PRKCQ: variants seen among roughly 807,000 people sequenced by gnomAD.
PRKCQ encodes the protein protein kinase C theta.
In PRKCQ, 41 loss-of-function variants were observed where a neutral mutation model predicts 91.2. The observed-to-expected ratio is 0.45, with a 90% CI of 0.35 to 0.58. PRKCQ has a LOEUF of 0.58. Ranked by LOEUF, PRKCQ falls within the 20% of genes least tolerant of loss-of-function variation. The pLI is 0.00. For synonymous variants in PRKCQ, 307 were observed against 316.9 expected, an observed-to-expected ratio of 0.97 and a Z score of 0.33; for missense variants, 673 against 896.5, an observed-to-expected ratio of 0.75 and a Z score of 3.18.
intron 1 of PRKCQ, among the ~76,000 whole-genome samples, chr10:6,536,763 C>T (rs768931144): frequency 3.9e-5 from 6 of 152,106 alleles, no homozygotes; most frequent in Non-Finnish European, 8.8e-5. Context: ...CAACACTTTC[C>T]TGAGGTTTGA....
chr10:6,525,000 G>A (rs551227724), intron 1 of PRKCQ, among the ~76,000 whole-genome samples: 1 of 152,306 alleles, frequency 6.6e-6, no homozygotes, highest in African/African-American at 2.4e-5. Flanking sequence ...CATTACAGCT[G>A]AACTACCAGG....
At chr10:6,446,221 T>G (rs1834284694) in intron 15 of PRKCQ, among the ~76,000 whole-genome samples, 7 of 152,144 alleles carry the variant, frequency 4.6e-5, no homozygotes, top group Admixed American at 3.9e-4. Context: ...AGGTCTTACT[T>G]AAAGTCTCCT....
chr10:6,402,568 A>C, the PRKCQ span, among the ~76,000 whole-genome samples: 1 of 152,064 alleles, frequency 6.6e-6, no homozygotes, highest in Non-Finnish European at 1.5e-5. Context: ...AACAATTTCA[A>C]AGAAGAGTGG....
chr10:6,428,404 C>G (rs78002544), intron 17 of PRKCQ, 42 bp from the exon 18 acceptor site: 1 of 1,593,474 alleles, frequency 6.3e-7, no homozygotes, highest in Admixed American at 1.7e-5. Context: ...GAAGAAAAAT[C>G]AGCCATTAAG....
At chr10:6,499,933 C>G (rs933102292) in intron 4 of PRKCQ, among the ~76,000 whole-genome samples, 1 of 152,248 alleles carries the variant, frequency 6.6e-6, no homozygotes, top group Non-Finnish European at 1.5e-5. Flanking sequence ...CATTGTAGGA[C>G]TGAAGTCTTT....
chr10:6,460,765 T>C (rs1288826045), intron 14 of PRKCQ, among the ~76,000 whole-genome samples: 1 of 151,552 alleles, frequency 6.6e-6, no homozygotes, highest in Non-Finnish European at 1.5e-5. Context: ...TGCTGGGATT[T>C]GCAGGTGTGA....
At chr10:6,528,748 G>A (rs1457040650) in intron 1 of PRKCQ, among the ~76,000 whole-genome samples, 1 of 152,220 alleles carries the variant, frequency 6.6e-6, no homozygotes, top group Non-Finnish European at 1.5e-5. Context: ...TTTCTTGTTA[G>A]CAAATGTCTT....
the PRKCQ span, among the ~76,000 whole-genome samples, chr10:6,399,069 T>C: frequency 6.6e-6 from 1 of 152,156 alleles, no homozygotes; most frequent in Non-Finnish European, 1.5e-5. Flanking sequence ...AATGATACAA[T>C]GGCTGAGCCA....
At chr10:6,396,749 G>T in the PRKCQ span, among the ~76,000 whole-genome samples, 1 of 152,184 alleles carries the variant, frequency 6.6e-6, no homozygotes, top group Non-Finnish European at 1.5e-5. Flanking sequence ...AGCGAAGCTT[G>T]GTGCACATGT....
intron 1 of PRKCQ, among the ~76,000 whole-genome samples, chr10:6,548,029 T>C (rs1431666896): frequency 6.6e-6 from 1 of 151,658 alleles, no homozygotes; most frequent in African/African-American, 2.4e-5. Context: ...CTCAAACAAA[T>C]TTACAAGAAA....
At chr10:6,490,553 A>C (rs1412332404) in intron 8 of PRKCQ, among the ~76,000 whole-genome samples, 3 of 125,274 alleles carry the variant, frequency 2.4e-5, no homozygotes, top group Middle Eastern at 3.6e-3. Flanking sequence ...TAGCAAGACC[A>C]TACCTCTAAA....
chr10:6,514,869 T>C, intron 2 of PRKCQ, 149 bp downstream of exon 2: 1 of 1,323,258 alleles, frequency 7.6e-7, no homozygotes, highest in Non-Finnish European at 1.0e-6. Context: ...CATGAGGAAG[T>C]CCTTGGCTTT....
chr10:6,451,705 A>G (rs1316842612), intron 15 of PRKCQ, among the ~76,000 whole-genome samples: 1 of 152,168 alleles, frequency 6.6e-6, no homozygotes, highest in African/African-American at 2.4e-5. Flanking sequence ...CGAATCCAGC[A>G]GCACATTAAA....
downstream of PRKCQ, among the ~76,000 whole-genome samples, chr10:6,422,546 T>C (rs1203448191): frequency 6.6e-6 from 1 of 152,142 alleles, no homozygotes; most frequent in Non-Finnish European, 1.5e-5. Flanking sequence ...GTGTAATCTT[T>C]CCAAACCTCA....
At chr10:6,476,711 A>C (rs878937985) in intron 12 of PRKCQ, among the ~76,000 whole-genome samples, 2 of 152,218 alleles carry the variant, frequency 1.3e-5, no homozygotes, top group Non-Finnish European at 2.9e-5. Flanking sequence ...TTACAGTAAA[A>C]ATCTTTATTT....
At chr10:6,526,358 C>A (rs986603648) in intron 1 of PRKCQ, among the ~76,000 whole-genome samples, 12 of 152,148 alleles carry the variant, frequency 7.9e-5, no homozygotes, top group African/African-American at 2.7e-4. Context: ...GCCAAAGAGA[C>A]AAAACCCATC....
rs189132370 is a variant in PRKCQ, at chr10:6,441,664, C to G, written c.1836+229G>C. 1.3e-4 allele frequency among the ~76,000 whole-genome samples: 20 copies of G among 152,198 alleles called. 1 individual carries two copies. In the East Asian group the frequency reaches 3.7e-3, roughly 28 times the overall value. On this transcript the variant is annotated intron_variant, in intron 16 of 17. Transcript: ENST00000263125. ...AAGGTCATGGAACTGGTTCCTGGGC[C>G]GTTATGTTATAACTGATGCACATGA... is the stretch of plus-strand genomic sequence containing the variant.
chr10:6,560,574 G>A (rs1015261015), intron 1 of PRKCQ, among the ~76,000 whole-genome samples: 4 of 152,114 alleles, frequency 2.6e-5, no homozygotes, highest in East Asian at 1.9e-4. Context: ...GCTGCACTTC[G>A]TGGCTATTCT....
At chr10:6,422,288 TA>T, downstream of PRKCQ, among the ~76,000 whole-genome samples, 1 of 152,106 alleles carries the variant, frequency 6.6e-6, no homozygotes, top group East Asian at 2.0e-4. Context: ...TTATTGTCCT[TA>T]TTTTATTTTA....
Sources: allele counts gnomAD v4.1 joint callset (sites outside exome capture counted in the v4.1 genomes callset), GRCh38; gene constraint gnomAD v4.1.1; transcripts MANE v1.5; gene names NCBI Gene and HGNC (gene_info 2026-07-23, HGNC 2026-07-21).